Variants in KCNH8 observed in about 807,000 individuals in gnomAD.
KCNH8 encodes the protein potassium voltage-gated channel subfamily H member 8.
Under a neutral mutation model 103.6 loss-of-function variants are expected in KCNH8, and 70 were observed. The ratio of observed to expected loss-of-function variants is 0.68; its 90% confidence interval spans 0.56 to 0.82. The LOEUF is 0.82. KCNH8 is among the 40% of genes least tolerant of loss of function. The probability of loss-of-function intolerance (pLI) is 0.00; values close to 1 mark genes in which losing one functional copy is unlikely to be tolerated. For missense variants in KCNH8, 1,217 were observed against 1,329.9 expected (o/e 0.92, Z 1.32); for synonymous variants, 498 against 489.4 (o/e 1.02, Z -0.23).
chr3:19,504,534 A>G (rs967022804), intron 11 of KCNH8, among the ~76,000 whole-genome samples: 2 of 152,188 alleles, frequency 1.3e-5, no homozygotes, highest in African/African-American at 4.8e-5. Context: ...ATGAACAGAC[A>G]CTTTTCAAAA....
intron 7 of KCNH8, among the ~76,000 whole-genome samples, chr3:19,424,536 T>C (rs1423569297): frequency 2.6e-5 from 4 of 152,080 alleles, no homozygotes; most frequent in Admixed American, 1.3e-4. Flanking sequence ...AAAACTCGTC[T>C]AGACATTGGC....
At chr3:19,348,108 C>T (rs2065752461) in intron 5 of KCNH8, 143 bp downstream of exon 5, 1 of 932,556 alleles carries the variant, frequency 1.1e-6, no homozygotes, top group South Asian at 1.7e-5. Context: ...GAAGCACATA[C>T]TGTATTTGGA....
intron 7 of KCNH8, among the ~76,000 whole-genome samples, chr3:19,409,440 C>T (rs1382757487): frequency 6.6e-6 from 1 of 152,068 alleles, no homozygotes; most frequent in African/African-American, 2.4e-5. Flanking sequence ...TCACAGACCC[C>T]ATAAAGCAAA....
intron 1 of KCNH8, among the ~76,000 whole-genome samples, chr3:19,204,533 A>G (rs1254112637): frequency 6.6e-6 from 1 of 152,060 alleles, no homozygotes; most frequent in African/African-American, 2.4e-5. Flanking sequence ...TCTAAGATTC[A>G]TATTTTAGCC....
intron 2 of KCNH8, among the ~76,000 whole-genome samples, chr3:19,262,054 CT>C (rs1284935041): frequency 6.7e-6 from 1 of 150,332 alleles, no homozygotes; most frequent in Non-Finnish European, 1.5e-5. Flanking sequence ...TGCTTCTAAC[CT>C]TTTTTTTTCT....
chr3:19,473,916 C>T (rs548388126), intron 11 of KCNH8, among the ~76,000 whole-genome samples: 4 of 152,306 alleles, frequency 2.6e-5, no homozygotes, highest in South Asian at 4.1e-4. Context: ...CTTTTTAAAA[C>T]GTAATTCTAT....
chr3:19,153,985 T>A (rs910787927), intron 1 of KCNH8, among the ~76,000 whole-genome samples: 1 of 152,168 alleles, frequency 6.6e-6, no homozygotes, highest in African/African-American at 2.4e-5. Flanking sequence ...AAAGCCATCA[T>A]GCTAGGATAT....
intron 5 of KCNH8, among the ~76,000 whole-genome samples, chr3:19,372,128 G>T (rs1232958037): frequency 7.2e-5 from 11 of 152,046 alleles, no homozygotes; most frequent in African/African-American, 1.9e-4. Flanking sequence ...CTTTAAAGTA[G>T]TTTTTTCCAA....
At chr3:19,400,723 G>C (rs918635778) in intron 7 of KCNH8, among the ~76,000 whole-genome samples, 2 of 151,734 alleles carry the variant, frequency 1.3e-5, no homozygotes, top group African/African-American at 4.8e-5. Context: ...TAAATCTCCT[G>C]ATCCTCGTTG....
At chr3:19,467,588 T>A (rs2067768466) in intron 11 of KCNH8, among the ~76,000 whole-genome samples, 2 of 152,116 alleles carry the variant, frequency 1.3e-5, no homozygotes, top group Admixed American at 1.3e-4. Context: ...CAGGGAAGAA[T>A]GTGTTTGTGG....
At chr3:19,496,005 A>G (rs2068432958) in intron 11 of KCNH8, among the ~76,000 whole-genome samples, 1 of 152,004 alleles carries the variant, frequency 6.6e-6, no homozygotes, top group South Asian at 2.1e-4. Context: ...TAGATTGGAT[A>G]TTGTTCGTAT....
At chr3:19,491,078 T>G (rs118007803) in intron 11 of KCNH8, among the ~76,000 whole-genome samples, 1,728 of 152,314 alleles carry the variant, frequency 0.011, 87 homozygotes, top group Admixed American at 0.083. Flanking sequence ...GCATAAGTGA[T>G]TAATACTACA....
chr3:19,283,698 C>T (rs1440975682), intron 3 of KCNH8, among the ~76,000 whole-genome samples: 2 of 151,696 alleles, frequency 1.3e-5, no homozygotes, highest in Non-Finnish European at 2.9e-5. Flanking sequence ...AGGAGAACTG[C>T]TTGAGCCCAG....
intron 1 of KCNH8, among the ~76,000 whole-genome samples, chr3:19,235,332 A>C (rs952652942): frequency 6.6e-6 from 1 of 152,138 alleles, no homozygotes; most frequent in East Asian, 1.9e-4. Context: ...CACATAAAAG[A>C]TTTTTAAATG....
chr3:19,201,851 T>G (rs1337133430), intron 1 of KCNH8, among the ~76,000 whole-genome samples: 1 of 152,180 alleles, frequency 6.6e-6, no homozygotes, highest in Non-Finnish European at 1.5e-5. Context: ...AATACTTATG[T>G]TATTACTCGG....
At chr3:19,468,160 C>T (rs1242968466) in intron 11 of KCNH8, among the ~76,000 whole-genome samples, 1 of 152,156 alleles carries the variant, frequency 6.6e-6, no homozygotes, top group East Asian at 1.9e-4. Context: ...TTTTCTTGCT[C>T]ATGATTAGTT....
At chr3:19,217,057 C>G (rs904880363) in intron 1 of KCNH8, among the ~76,000 whole-genome samples, 28 of 152,114 alleles carry the variant, frequency 1.8e-4, no homozygotes, top group Admixed American at 1.8e-3. Context: ...CAAGATGCAC[C>G]TCGTGAGGTT....
chr3:19,499,216 G>A (rs2068519335), intron 11 of KCNH8, among the ~76,000 whole-genome samples: 1 of 152,256 alleles, frequency 6.6e-6, no homozygotes, highest in East Asian at 1.9e-4. Flanking sequence ...TGAATGAAAT[G>A]AAGCGAGAAG....
Position 19,255,400 on chromosome 3 carries a change from T to A in KCNH8, c.310+1513T>A, listed in dbSNP as rs1377700975. On this transcript the variant is annotated intron_variant, in intron 2 of 15. Coordinates refer to ENST00000328405, the MANE Select transcript of KCNH8 (RefSeq NM_144633.3). ...GGGGTTTTCTAGATATAAGATCATGTCATGTGCAAACAGAGACAGTTTGAT... is the reference window on the plus strand; with the variant it reads ...GGGGTTTTCTAGATATAAGATCATGACATGTGCAAACAGAGACAGTTTGAT... Among the ~76,000 whole-genome samples the A allele has an allele frequency of 2.6e-5, 4 of 152,294 alleles. No homozygotes were observed. The East Asian group carries it at 7.7e-4, about 29-fold the overall frequency.
Sources: allele counts gnomAD v4.1 joint callset (sites outside exome capture counted in the v4.1 genomes callset), GRCh38; gene constraint gnomAD v4.1.1; transcripts MANE v1.5; gene names NCBI Gene and HGNC (gene_info 2026-07-23, HGNC 2026-07-21).